The following CEP162 variants were observed in gnomAD, a reference collection of about 807,000 sequenced individuals.
CEP162 encodes centrosomal protein of 162 kDa.
CEP162 carries 141 observed loss-of-function variants against 169.2 expected under a neutral mutation model. The ratio of observed to expected loss-of-function variants is 0.83; its 90% CI spans 0.73 to 0.96. CEP162 has a LOEUF of 0.96. Ranked by LOEUF, CEP162 falls within the 40% of genes least tolerant of loss-of-function variation. The probability of loss-of-function intolerance (pLI) is 0.00; values close to 1 mark genes in which losing one functional copy is unlikely to be tolerated. For missense variants in CEP162, 1,600 were observed against 1,587.2 expected (o/e 1.01, Z -0.14); for synonymous variants, 540 against 526.4 (o/e 1.03, Z -0.35).
At chr6:84,199,051 C>T (rs951200741) in intron 9 of CEP162, among the ~76,000 whole-genome samples, 1 of 152,084 alleles carries the variant, frequency 6.6e-6, no homozygotes, top group Non-Finnish European at 1.5e-5. Context: ...TCTGGTCATC[C>T]TGAACACATG....
chr6:84,221,324 C>T (rs2099553642), intron 2 of CEP162, among the ~76,000 whole-genome samples, 153 bp from the exon 3 acceptor site: 1 of 152,200 alleles, frequency 6.6e-6, no homozygotes, highest in African/African-American at 2.4e-5. Context: ...TTCACAGCTA[C>T]AAACATATTT....
chr6:84,222,785 C>G (rs1399059569), intron 2 of CEP162, among the ~76,000 whole-genome samples: 1 of 152,220 alleles, frequency 6.6e-6, no homozygotes, highest in African/African-American at 2.4e-5. Flanking sequence ...CACACACACA[C>G]ACACACAATC....
intron 19 of CEP162, among the ~76,000 whole-genome samples, chr6:84,162,463 A>G (rs1438114778): frequency 6.6e-6 from 1 of 152,168 alleles, no homozygotes; most frequent in African/African-American, 2.4e-5. Context: ...ACTGAAGCTC[A>G]TAATACTGCA....
chr6:84,157,490 T>A (rs370215032), intron 21 of CEP162, among the ~76,000 whole-genome samples: 5 of 152,034 alleles, frequency 3.3e-5, no homozygotes, highest in Non-Finnish European at 7.4e-5. Flanking sequence ...ATGGCCAACA[T>A]GGTGACACCC....
chr6:84,165,309 A>G (rs926413144), intron 18 of CEP162, among the ~76,000 whole-genome samples: 15 of 152,082 alleles, frequency 9.9e-5, no homozygotes, highest in Admixed American at 2.6e-4. Context: ...AATGCATAAA[A>G]AATGCTTGGG....
At chr6:84,216,517 C>G (rs2099551603) in intron 3 of CEP162, among the ~76,000 whole-genome samples, 2 of 152,216 alleles carry the variant, frequency 1.3e-5, no homozygotes, top group South Asian at 4.1e-4. Context: ...TATGTGCATA[C>G]TGTTGGGGAC....
chr6:84,164,078 C>T (rs1397777183), intron 18 of CEP162, among the ~76,000 whole-genome samples: 4 of 150,714 alleles, frequency 2.7e-5, no homozygotes, highest in South Asian at 2.1e-4. Flanking sequence ...GACATTTATG[C>T]GGTCAACAAA....
At chr6:84,209,408 CTT>C (rs2099548580) in intron 6 of CEP162, among the ~76,000 whole-genome samples, 3 of 143,024 alleles carry the variant, frequency 2.1e-5, no homozygotes, top group Non-Finnish European at 3.0e-5. Context: ...GAGTTTTGCT[CTT>C]GTTGCCCAGG....
intron 6 of CEP162, among the ~76,000 whole-genome samples, chr6:84,207,461 G>C (rs147039443): frequency 2.6e-5 from 4 of 150,956 alleles, no homozygotes; most frequent in Admixed American, 6.6e-5. Context: ...GCAAACTGTC[G>C]CAAGGACAGA....
intron 20 of CEP162, among the ~76,000 whole-genome samples, chr6:84,161,333 G>GT (rs1241016171): frequency 6.6e-6 from 1 of 152,156 alleles, no homozygotes; most frequent in Admixed American, 6.6e-5. Flanking sequence ...GTCTTTTCTA[G>GT]AGAGTAGATA....
chr6:84,193,923 A>G (rs1009290736), intron 10 of CEP162, among the ~76,000 whole-genome samples: 1 of 152,218 alleles, frequency 6.6e-6, no homozygotes, highest in African/African-American at 2.4e-5. Context: ...AAATATCTAT[A>G]CATACACACA....
intron 9 of CEP162, among the ~76,000 whole-genome samples, chr6:84,200,207 G>A (rs146624155): frequency 0.01 from 1,530 of 152,230 alleles, 20 homozygotes; most frequent in African/African-American, 0.035. Context: ...CCAAGGTAGC[G>A]CCACTGCACT....
chr6:84,198,507 T>G (rs2099543094), intron 9 of CEP162, among the ~76,000 whole-genome samples: 2 of 152,200 alleles, frequency 1.3e-5, no homozygotes, highest in Admixed American at 1.3e-4. Context: ...CTCGAACTCC[T>G]GACCTCAGGT....
intron 6 of CEP162, among the ~76,000 whole-genome samples, chr6:84,212,546 C>G (rs1237276136): frequency 1.3e-5 from 2 of 151,076 alleles, no homozygotes; most frequent in African/African-American, 4.9e-5. Flanking sequence ...AGAAGAATAG[C>G]TAAAAAGCCA....
intron 13 of CEP162, among the ~76,000 whole-genome samples, chr6:84,178,083 T>C (rs2099533124): frequency 6.6e-6 from 1 of 152,368 alleles, no homozygotes; most frequent in South Asian, 2.1e-4. Context: ...TTAGAATTTG[T>C]AGCAGTCTAG....
chr6:84,175,638 C>G (rs1010950955), intron 13 of CEP162, among the ~76,000 whole-genome samples: 2 of 152,150 alleles, frequency 1.3e-5, no homozygotes, highest in East Asian at 1.9e-4. Flanking sequence ...ATAGAAATAA[C>G]TTTCAGAGTT....
chr6:84,198,527 G>A (rs1048602907), intron 9 of CEP162, among the ~76,000 whole-genome samples: 10 of 152,072 alleles, frequency 6.6e-5, no homozygotes, highest in African/African-American at 2.2e-4. Flanking sequence ...TGATCTGCCC[G>A]CTCCGGCCTC....
At chr6:84,149,427 C>T in intron 24 of CEP162, 135 bp downstream of exon 24, 1 of 519,676 alleles carries the variant, frequency 1.9e-6, no homozygotes, top group Non-Finnish European at 3.1e-6. Flanking sequence ...GAAATCAAGC[C>T]AATAATAGTT....
chr6:84,185,218 C>T lies in CEP162; in HGVS notation c.1632G>A (p.Ser544=), dbSNP rs80314104. Residue 544 remains serine, a synonymous_variant, in exon 13 of 27, where the codon TCG becomes TCA. Transcript: ENST00000403245. ...TCCTAGGTTGATTGGAGGTAGAAAT[C>T]GATCTCAAGTTTTTGCTTTTTATAA... is the stretch of plus-strand genomic sequence containing the variant. The part of the protein sequence containing the change: ...EDIIKSKNLR[S]ISTSNQPRKK... The T allele has an allele frequency of 1.1e-5, 17 of 1,612,068 alleles. No homozygotes were observed. The highest frequency in any genetic ancestry group is 1.4e-5 in the Non-Finnish European group (16 of 1,178,624).
Sources: gnomAD v4.1 joint callset for allele counts (sites outside exome capture counted in the v4.1 genomes callset) on GRCh38, gnomAD v4.1.1 for gene constraint, MANE v1.5 for transcripts, NCBI Gene and HGNC (gene_info 2026-07-23, HGNC 2026-07-21) for gene names.